Variants in PRMT8 observed in about 807,000 individuals in gnomAD.
The protein encoded by PRMT8 is protein arginine methyltransferase 8, also known as protein arginine N-methyltransferase 8.
A neutral mutation model predicts 47.1 loss-of-function variants in PRMT8; 7 were observed. The observed-to-expected ratio is 0.15, with a 90% CI of 0.08 to 0.28. The LOEUF (loss-of-function observed/expected upper bound fraction) is 0.28. Ranked by LOEUF, PRMT8 falls within the 10% of genes least tolerant of loss-of-function variation. The pLI, the probability that PRMT8 is intolerant of heterozygous loss-of-function variation, is 1.00. For synonymous variants in PRMT8, 188 were observed against 186.5 expected, an observed-to-expected ratio of 1.01 and a Z score of -0.07; for missense variants, 237 against 505.4, an observed-to-expected ratio of 0.47 and a Z score of 5.09.
upstream of PRMT8, among the ~76,000 whole-genome samples, chr12:3,486,256 C>G (rs1444588472): frequency 6.6e-6 from 1 of 152,060 alleles, no homozygotes. Flanking sequence ...CTTGCAGGGC[C>G]TACCTGACTG....
At chr12:3,581,064 C>T (rs1216479009) in intron 7 of PRMT8, among the ~76,000 whole-genome samples, 2 of 152,226 alleles carry the variant, frequency 1.3e-5, no homozygotes, top group Non-Finnish European at 1.5e-5. Flanking sequence ...GGGGCTTGGC[C>T]GACCTAAATG....
chr12:3,577,193 G>A (rs1047163894), intron 7 of PRMT8, among the ~76,000 whole-genome samples: 8 of 152,206 alleles, frequency 5.3e-5, no homozygotes, highest in African/African-American at 1.4e-4. Context: ...ATGGTGGCAC[G>A]GATGTGGGAG....
At chr12:3,496,461 T>C (rs915158473) in intron 1 of PRMT8, among the ~76,000 whole-genome samples, 9 of 151,662 alleles carry the variant, frequency 5.9e-5, no homozygotes, top group African/African-American at 2.2e-4. Flanking sequence ...GGTTAGGGAA[T>C]TGAGGAAGAG....
At position 3,539,006 on chromosome 12, in the gene PRMT8, C is replaced by T. The variant is rs528490228; in HGVS notation, c.76-1600C>T. 3.9e-5 allele frequency among the ~76,000 whole-genome samples: 6 copies of T among 152,304 alleles called. No individual in the cohort carries two copies. In the East Asian group the frequency reaches 5.8e-4, roughly 15 times the overall value. On this transcript the variant is annotated intron_variant, in intron 1 of 9. Coordinates refer to ENST00000382622, the MANE Select transcript of PRMT8 (RefSeq NM_019854.5). ...TGGACACAGAACAGTCTTGGGACTG[C>T]GCGGAGTGATTCCACGGAGGGGTTG...
Position 3,453,538 on chromosome 12 carries a change from G to A in PRMT8, c.48+72096G>A, listed in dbSNP as rs1864943054. Among the ~76,000 whole-genome samples the A allele has an allele frequency of 6.6e-6, 1 of 152,224 alleles. No individual in the cohort carries two copies. Among genetic ancestry groups the A allele is most frequent in the Non-Finnish European group, 1.5e-5 (1 of 68,036 alleles). On this transcript the variant is annotated intron_variant, in intron 1 of 9. Transcript: ENST00000452611. This position sits in a 1 kb window ranked among gnomAD's most constrained non-coding sequence, Gnocchi z 4.9. ...CCTCAGAGGCCCTGCTTTCTCCTGG[G>A]GAAGCCAGACGCTGCATTCCGCATG...
Position 3,576,922 on chromosome 12 carries a change from T to C in PRMT8, c.764T>C (p.Met255Thr). 1 of 1,614,096 alleles carries C rather than the reference T, an allele frequency of 6.2e-7. No individual in the cohort carries two copies. Among genetic ancestry groups the C allele is most frequent in the Non-Finnish European group, 8.5e-7 (1 of 1,180,012 alleles). Residue 255 changes from methionine to threonine, a missense_variant, in exon 7 of 10, where the codon ATG (methionine) becomes ACG (threonine). By Grantham distance (81) the Met-to-Thr change is moderately conservative (BLOSUM62 -1). Transcript: ENST00000382622. The surrounding 1 kb of genome is among the most constrained non-coding windows in gnomAD (Gnocchi z 4.0). ...FDMTCIRDVA[M>T]KEPLVDIVDP... ...ATGACCTGCATCCGGGACGTGGCCA[T>C]GAAGGAGCCTCTAGTGGACATCGTG...
At chr12:3,553,571 C>A in intron 3 of PRMT8, 80 bp from the exon 4 acceptor site, 1 of 1,211,510 alleles carries the variant, frequency 8.3e-7, no homozygotes, top group South Asian at 1.2e-5. Context: ...TGGGCCTCAG[C>A]GTCTCTATCC....
At chr12:3,386,179 T>C (rs973614031) in intron 1 of PRMT8, among the ~76,000 whole-genome samples, 13 of 152,236 alleles carry the variant, frequency 8.5e-5, no homozygotes, top group Non-Finnish European at 8.8e-5. Context: ...TCTTACTGTC[T>C]TTGTGTCTTT....
At chr12:3,463,363 G>A (rs1865059164) in intron 1 of PRMT8, 1 of 152,136 alleles carries the variant, frequency 6.6e-6, no homozygotes, top group South Asian at 2.1e-4. Context: ...ATTTTCTCTG[G>A]GCTGAAGTTT....
chr12:3,451,051 CCCCCGCCG>C (rs1864913430), intron 1 of PRMT8, among the ~76,000 whole-genome samples: 1 of 66,410 alleles, frequency 1.5e-5, no homozygotes, highest in African/African-American at 5.2e-5. Flanking sequence ...CCCCCCCCCC[CCCCCGCCG>C]AAAGGTTTTG....
chr12:3,407,875 T>A lies in PRMT8; in HGVS notation c.48+26433T>A, dbSNP rs191810708. Reference sequence around the variant, plus strand: ...AACTTATCTTCAAGTTCGCAAATTCTTTCTTCTGCTTGATCTAGTTTGCTT... The same window carrying A: ...AACTTATCTTCAAGTTCGCAAATTCATTCTTCTGCTTGATCTAGTTTGCTT... On this transcript the variant is annotated intron_variant, in intron 1 of 9. Coordinates refer to the PRMT8 transcript ENST00000452611. Among the ~76,000 whole-genome samples, 392 of 152,146 alleles carry A rather than the reference T, an allele frequency of 2.6e-3. 4 individuals are homozygous for A. The highest frequency in any genetic ancestry group is 9.0e-3 in the African/African-American group (375 of 41,508).
At position 3,570,222 on chromosome 12, in the gene PRMT8, TCTC is replaced by T. The variant is rs1332053528; in HGVS notation, c.712+663_712+665del. On this transcript the variant is annotated intron_variant, in intron 6 of 9. Coordinates refer to ENST00000382622, the MANE Select transcript of PRMT8 (RefSeq NM_019854.5). This position sits in a 1 kb window ranked among gnomAD's most constrained non-coding sequence, Gnocchi z 5.5. ...CTGAGAACAATAAAGCCAAAAAACT[TCTC>T]CTCCCCCGCAATGTTTTACCTGGTC... Among the ~76,000 whole-genome samples, 2 of 152,072 alleles carry T rather than the reference TCTC, an allele frequency of 1.3e-5. No individual in the cohort carries two copies. The highest frequency in any genetic ancestry group is 4.8e-5 in the African/African-American group (2 of 41,394).
chr12:3,418,544 G>A (rs1331170341), intron 1 of PRMT8, among the ~76,000 whole-genome samples: 2 of 152,224 alleles, frequency 1.3e-5, no homozygotes, highest in Admixed American at 1.3e-4. Context: ...TCATCAGAAA[G>A]GCTTGATACT....
At chr12:3,487,491 G>T (rs1412737349), upstream of PRMT8, among the ~76,000 whole-genome samples, 1 of 152,216 alleles carries the variant, frequency 6.6e-6, no homozygotes, top group Non-Finnish European at 1.5e-5. Context: ...AGAGTTGACA[G>T]GAGACAGAAT....
chr12:3,560,714 A>G (rs929240915), intron 4 of PRMT8, among the ~76,000 whole-genome samples: 8 of 152,230 alleles, frequency 5.3e-5, no homozygotes, highest in South Asian at 2.1e-4. Flanking sequence ...GACCTAAAGC[A>G]TAAATGTCAT....
intron 8 of PRMT8, among the ~76,000 whole-genome samples, chr12:3,589,680 G>A (rs911550804): frequency 6.6e-6 from 1 of 152,214 alleles, no homozygotes; most frequent in African/African-American, 2.4e-5. Flanking sequence ...GGCCCATCAT[G>A]GAAACGAGAT....
intron 4 of PRMT8, among the ~76,000 whole-genome samples, chr12:3,556,599 G>A (rs999599301): frequency 6.6e-6 from 1 of 151,978 alleles, no homozygotes; most frequent in African/African-American, 2.4e-5. Context: ...TGTGAGGCAA[G>A]GACCAGAAAT....
chr12:3,447,165 G>A (rs1174551998), intron 1 of PRMT8, among the ~76,000 whole-genome samples: 1 of 152,134 alleles, frequency 6.6e-6, no homozygotes, highest in Admixed American at 6.5e-5. Context: ...GGGGTGGCAG[G>A]AGCATTTCCC....
At chr12:3,584,299 A>G (rs1867126396) in intron 8 of PRMT8, among the ~76,000 whole-genome samples, 2 of 152,180 alleles carry the variant, frequency 1.3e-5, no homozygotes, top group Admixed American at 6.5e-5. Flanking sequence ...GATGAAGTTA[A>G]TCACCTCTTT....
Sources: gnomAD v4.1 joint callset for allele counts (sites outside exome capture counted in the v4.1 genomes callset) on GRCh38, gnomAD v4.1.1 for gene constraint, Gnocchi (gnomAD v3.1) non-coding constraint, MANE v1.5 for transcripts, NCBI Gene and HGNC (gene_info 2026-07-23, HGNC 2026-07-21) for gene names.